Variants in OSBPL9 observed in about 807,000 individuals in gnomAD.
The protein encoded by OSBPL9 is oxysterol-binding protein-related protein 9.
In OSBPL9, 40 loss-of-function variants were observed where a neutral mutation model predicts 106.6. The ratio of observed to expected loss-of-function variants is 0.38; its 90% CI spans 0.29 to 0.49. The LOEUF is 0.49. Ranked by LOEUF, OSBPL9 falls within the 20% of genes least tolerant of loss-of-function variation. OSBPL9 has a pLI of 0.97. For synonymous variants in OSBPL9, 269 were observed against 295.4 expected, an observed-to-expected ratio of 0.91 and a Z score of 0.92; for missense variants, 609 against 887.2, an observed-to-expected ratio of 0.69 and a Z score of 3.98.
At chr1:51,544,816 A>AAACTAACT in the OSBPL9 span, among the ~76,000 whole-genome samples, 3 of 151,528 alleles carry the variant, frequency 2.0e-5, no homozygotes, top group Non-Finnish European at 4.4e-5. Context: ...ATCCAACAGT[A>AAACTAACT]AACTAACTTT....
At chr1:51,548,564 T>C in the OSBPL9 span, among the ~76,000 whole-genome samples, 2 of 149,212 alleles carry the variant, frequency 1.3e-5, no homozygotes, top group Admixed American at 1.3e-4. Context: ...TGATTTTTAA[T>C]TTTTTCGTGG....
chr1:51,584,750 A>G (rs1645238152), intron 1 of OSBPL9, among the ~76,000 whole-genome samples: 1 of 152,100 alleles, frequency 6.6e-6, no homozygotes, highest in South Asian at 2.1e-4. Flanking sequence ...ATTAAAATTA[A>G]AAAATAAAGC....
At chr1:51,772,248 C>T in intron 13 of OSBPL9, 66 bp downstream of exon 13, 1 of 1,336,452 alleles carries the variant, frequency 7.5e-7, no homozygotes, top group Non-Finnish European at 1.0e-6. Context: ...TGTGGTGGCT[C>T]ATGCCGTAAT....
chr1:51,751,159 C>T (rs1355358415), intron 8 of OSBPL9, among the ~76,000 whole-genome samples: 1 of 152,168 alleles, frequency 6.6e-6, no homozygotes, highest in Non-Finnish European at 1.5e-5. Flanking sequence ...ACAATCTCAG[C>T]TCACTGCAAC....
At chr1:51,665,161 T>G (rs1348619291) in intron 2 of OSBPL9, among the ~76,000 whole-genome samples, 1 of 152,224 alleles carries the variant, frequency 6.6e-6, no homozygotes, top group Non-Finnish European at 1.5e-5. Context: ...ATTTAGTTTT[T>G]GAGACAGAGT....
At chr1:51,546,112 G>A in the OSBPL9 span, among the ~76,000 whole-genome samples, 1 of 151,830 alleles carries the variant, frequency 6.6e-6, no homozygotes, top group South Asian at 2.1e-4. Context: ...AACCTCCTGG[G>A]CTCAAGCGAT....
intron 2 of OSBPL9, among the ~76,000 whole-genome samples, chr1:51,610,354 C>A (rs1643979272): frequency 6.6e-6 from 1 of 151,956 alleles, no homozygotes; most frequent in African/African-American, 2.4e-5. Flanking sequence ...CTCTGCCTCC[C>A]AGGTTCAACA....
chr1:51,567,282 C>T, the OSBPL9 span: 1 of 152,214 alleles, frequency 6.6e-6, no homozygotes, highest in African/African-American at 2.4e-5. Flanking sequence ...CCTTCATTGA[C>T]TGTGAGTTCT....
At chr1:51,724,744 G>T in intron 4 of OSBPL9, 1 of 151,446 alleles carries the variant, frequency 6.6e-6, no homozygotes, top group East Asian at 1.7e-4. Context: ...CTAGCTGTCA[G>T]GGTTTTTTGC....
Position 51,785,893 on chromosome 1 carries a change from T to G in OSBPL9, c.1908+7T>G. On this transcript the variant is annotated splice_region_variant and intron_variant, in intron 21 of 23. Coordinates refer to ENST00000428468, the MANE Select transcript of OSBPL9 (RefSeq NM_024586.6). ...TGCAAAATATGCAACAGGGGTAAGA[T>G]CCTCTATTTTGCCACTTGTTTTAGG... 6.2e-7 allele frequency: 1 copy of G among 1,609,132 alleles called. No individual in the cohort carries two copies. The highest frequency in any genetic ancestry group is 8.5e-7 in the Non-Finnish European group (1 of 1,178,178).
At chr1:51,660,506 C>T (rs1647072824) in intron 2 of OSBPL9, among the ~76,000 whole-genome samples, 1 of 152,010 alleles carries the variant, frequency 6.6e-6, no homozygotes, top group Non-Finnish European at 1.5e-5. Context: ...GTAAAAAAGA[C>T]AAAAGAATTC....
chr1:51,591,438 G>A (rs1483314769), intron 1 of OSBPL9, among the ~76,000 whole-genome samples: 1 of 152,176 alleles, frequency 6.6e-6, no homozygotes, highest in African/African-American at 2.4e-5. Flanking sequence ...AGAGAACACC[G>A]GGGGAAATAG....
intron 1 of OSBPL9, among the ~76,000 whole-genome samples, chr1:51,619,661 C>G (rs1644308589): frequency 6.6e-6 from 1 of 152,000 alleles, no homozygotes; most frequent in Non-Finnish European, 1.5e-5. Flanking sequence ...AAATGATACC[C>G]AATCTCAAAT....
chr1:51,712,235 A>ACC, intron 3 of OSBPL9, among the ~76,000 whole-genome samples: 1 of 152,272 alleles, frequency 6.6e-6, no homozygotes, highest in Non-Finnish European at 1.5e-5. Flanking sequence ...ACACAGCGAA[A>ACC]CCCCGTCTCC....
the OSBPL9 span, among the ~76,000 whole-genome samples, chr1:51,551,561 CATTT>C: frequency 5.5e-4 from 83 of 151,876 alleles, no homozygotes; most frequent in African/African-American, 1.5e-3. Context: ...TTCCAACAGT[CATTT>C]ATTTATTTAT....
intron 3 of OSBPL9, chr1:51,707,389 G>A: frequency 5.7e-6 from 1 of 176,780 alleles, no homozygotes; most frequent in Non-Finnish European, 1.2e-5. Context: ...ATCGTATTTG[G>A]CAGGGTTTTC....
At chr1:51,519,394 C>CCCCGCCCGCCTGCCCG in the OSBPL9 span, 1 of 229,016 alleles carries the variant, frequency 4.4e-6, no homozygotes, top group African/African-American at 2.4e-5. Flanking sequence ...CCCCGCCTGG[C>CCCCGCCCGCCTGCCCG]CCCGCCCGCC....
the OSBPL9 span, among the ~76,000 whole-genome samples, chr1:51,555,306 A>G: frequency 6.6e-6 from 1 of 151,972 alleles, no homozygotes; most frequent in Non-Finnish European, 1.5e-5. Context: ...CCTGACCAAC[A>G]TGGCGAAACC....
chr1:51,631,030 A>C (rs1343610081), intron 1 of OSBPL9, among the ~76,000 whole-genome samples: 1 of 152,196 alleles, frequency 6.6e-6, no homozygotes, highest in Non-Finnish European at 1.5e-5. Context: ...ATTACAGTAA[A>C]GAAAGTTTGA....
Sources: gnomAD v4.1 joint callset for allele counts (sites outside exome capture counted in the v4.1 genomes callset) on GRCh38, gnomAD v4.1.1 for gene constraint, MANE v1.5 for transcripts, NCBI Gene and HGNC (gene_info 2026-07-23, HGNC 2026-07-21) for gene names.